Variants in HNF4G observed in about 807,000 individuals in gnomAD.
HNF4G encodes hepatocyte nuclear factor 4-gamma.
HNF4G carries 21 observed loss-of-function variants against 50.9 expected under a neutral mutation model. That is an observed-to-expected ratio of 0.41 (90% CI 0.29 to 0.59). The LOEUF (loss-of-function observed/expected upper bound fraction) is 0.59. Ranked by LOEUF, HNF4G falls within the 20% of genes least tolerant of loss-of-function variation. The pLI is 0.26. For synonymous variants in HNF4G, 198 were observed against 185.6 expected (o/e 1.07, Z -0.54); for missense variants, 527 against 559.4 (o/e 0.94, Z 0.58).
intron 1 of HNF4G, among the ~76,000 whole-genome samples, chr8:75,461,729 T>TTG (rs1554571730): frequency 6.6e-6 from 1 of 151,500 alleles, no homozygotes; most frequent in Non-Finnish European, 1.5e-5. Flanking sequence ...TCTGTATATA[T>TTG]TGTTTTTTTC....
chr8:75,445,222 T>G (rs1198195954), intron 1 of HNF4G, among the ~76,000 whole-genome samples: 13 of 98,808 alleles, frequency 1.3e-4, no homozygotes, highest in African/African-American at 5.2e-4. Context: ...AGATGTTCTT[T>G]GAAACCAACG....
intron 1 of HNF4G, among the ~76,000 whole-genome samples, chr8:75,474,189 A>G (rs1244379273): frequency 6.6e-6 from 1 of 152,200 alleles, no homozygotes; most frequent in East Asian, 1.9e-4. Context: ...TACTGGATAT[A>G]GATAACAAAA....
At chr8:75,424,264 A>C (rs931599583) in intron 1 of HNF4G, among the ~76,000 whole-genome samples, 8 of 152,166 alleles carry the variant, frequency 5.3e-5, no homozygotes, top group Non-Finnish European at 1.0e-4. Flanking sequence ...TATCTTCTTA[A>C]TATCAAATTA....
At chr8:75,430,275 A>G (rs1810980076) in intron 1 of HNF4G, among the ~76,000 whole-genome samples, 1 of 152,184 alleles carries the variant, frequency 6.6e-6, no homozygotes, top group Admixed American at 6.6e-5. Flanking sequence ...ACTGAAACAG[A>G]CATTTTCTCT....
chr8:75,498,619 C>T (rs1349444265), intron 2 of HNF4G, among the ~76,000 whole-genome samples: 1 of 151,852 alleles, frequency 6.6e-6, no homozygotes, highest in Non-Finnish European at 1.5e-5. Context: ...GACAGACCAG[C>T]AATCTTATGA....
chr8:75,475,341 G>T (rs1027627770), intron 1 of HNF4G, among the ~76,000 whole-genome samples: 1 of 152,174 alleles, frequency 6.6e-6, no homozygotes, highest in Non-Finnish European at 1.5e-5. Flanking sequence ...CATGGCTTAA[G>T]TTATTTATTT....
At chr8:75,501,856 AT>A (rs11400950) in intron 2 of HNF4G, among the ~76,000 whole-genome samples, 1,954 of 120,284 alleles carry the variant, frequency 0.016, 23 homozygotes, top group African/African-American at 0.047. Context: ...TACCTAAAGT[AT>A]TTTTTTTTTT....
chr8:75,502,470 A>G (rs1166919245), intron 2 of HNF4G, among the ~76,000 whole-genome samples: 2 of 152,172 alleles, frequency 1.3e-5, no homozygotes, highest in East Asian at 1.9e-4. Flanking sequence ...TTATCAAGTG[A>G]CAAGAAAATA....
chr8:75,506,609 T>C (rs1448490619), intron 2 of HNF4G, among the ~76,000 whole-genome samples: 6 of 152,228 alleles, frequency 3.9e-5, no homozygotes, highest in Non-Finnish European at 8.8e-5. Context: ...TGACCTCCTT[T>C]CTAATTCAAA....
chr8:75,500,586 C>G (rs1585898967), intron 2 of HNF4G, among the ~76,000 whole-genome samples: 1 of 151,960 alleles, frequency 6.6e-6, no homozygotes, highest in East Asian at 1.9e-4. Context: ...TAGCATTGTT[C>G]ATAAAAACTG....
At chr8:75,493,635 T>A (rs995454632) in intron 2 of HNF4G, among the ~76,000 whole-genome samples, 7 of 152,180 alleles carry the variant, frequency 4.6e-5, no homozygotes, top group Non-Finnish European at 1.0e-4. Flanking sequence ...TAAAAAAGTA[T>A]ATTTTTAAAT....
At chr8:75,433,479 C>A (rs1811063550) in intron 1 of HNF4G, among the ~76,000 whole-genome samples, 1 of 150,654 alleles carries the variant, frequency 6.6e-6, no homozygotes, top group South Asian at 2.1e-4. Context: ...GCCATTAAAT[C>A]TCTAAGCAAC....
chr8:75,495,784 C>T (rs372441275), intron 2 of HNF4G, among the ~76,000 whole-genome samples: 3 of 151,886 alleles, frequency 2.0e-5, no homozygotes, highest in Admixed American at 1.3e-4. Flanking sequence ...GTGATCTGCC[C>T]GCCTTGGCAC....
chr8:75,451,163 C>T lies in HNF4G; in HGVS notation c.-143-38926C>T, dbSNP rs147298638. ...TTGAGAAATGTCTATTCTGGTCCTT[C>T]GCCCATTTTGGGGGGATTACTTGTT... On this transcript the variant is annotated intron_variant, in intron 1 of 10. Transcript: ENST00000354370. Among the ~76,000 whole-genome samples the T allele has an allele frequency of 6.4e-4, 98 of 152,012 alleles. 3 individuals are homozygous for T. The East Asian group carries it at 0.013, about 21-fold the overall frequency.
chr8:75,547,477 C>G (rs541142603), intron 2 of HNF4G, 110 bp from the exon 3 acceptor site: 14 of 775,354 alleles, frequency 1.8e-5, no homozygotes, highest in East Asian at 1.0e-4. Flanking sequence ...CCTATACCTT[C>G]TTTTTATCGA....
intron 2 of HNF4G, chr8:75,495,508 AACATACATAAAG>A (rs1812744525): frequency 6.6e-6 from 1 of 151,762 alleles, no homozygotes; most frequent in Non-Finnish European, 1.5e-5. Flanking sequence ...CAAGTGTGAT[AACATACATAAAG>A]ACAGAACACT....
chr8:75,545,540 A>G (rs1489520401), intron 2 of HNF4G, among the ~76,000 whole-genome samples: 1 of 152,124 alleles, frequency 6.6e-6, no homozygotes, highest in Admixed American at 6.5e-5. Context: ...TGGTTAGTAT[A>G]TTGATGGAAG....
chr8:75,443,138 G>A (rs1394656762), intron 1 of HNF4G, among the ~76,000 whole-genome samples: 1 of 152,094 alleles, frequency 6.6e-6, no homozygotes, highest in Non-Finnish European at 1.5e-5. Context: ...ACCATGTGAG[G>A]GAACAGGAGA....
At chr8:75,471,852 A>T (rs10108859) in intron 1 of HNF4G, among the ~76,000 whole-genome samples, 7,281 of 152,332 alleles carry the variant, frequency 0.048, 269 homozygotes, top group Non-Finnish European at 0.074. Context: ...TTAAAAGAGC[A>T]AATGTAACAT....
Sources: allele counts gnomAD v4.1 joint callset (sites outside exome capture counted in the v4.1 genomes callset), GRCh38; gene constraint gnomAD v4.1.1; transcripts MANE v1.5; gene names NCBI Gene and HGNC (gene_info 2026-07-23, HGNC 2026-07-21).